CCDC102B: variants seen among roughly 807,000 people sequenced by gnomAD.
The protein encoded by CCDC102B is coiled-coil domain-containing protein 102B.
Under a neutral mutation model 57.4 loss-of-function variants are expected in CCDC102B, and 75 were observed. The ratio of observed to expected loss-of-function variants is 1.31; its 90% CI spans 1.08 to 1.58. The LOEUF is 1.58. Among genes scored for constraint, CCDC102B ranks in the 40% most tolerant of loss-of-function variants. CCDC102B has a pLI of 0.00. For synonymous variants in CCDC102B, 206 were observed against 201.9 expected (o/e 1.02, Z -0.17); for missense variants, 636 against 582.6 (o/e 1.09, Z -0.94).
intron 2 of CCDC102B, among the ~76,000 whole-genome samples, chr18:68,730,405 C>T (rs1933492780): frequency 6.6e-6 from 1 of 152,108 alleles, no homozygotes; most frequent in Admixed American, 6.6e-5. Flanking sequence ...TTAGGTTATT[C>T]ATTTTTATAG....
At chr18:68,941,573 A>G (rs2049381311) in intron 6 of CCDC102B, among the ~76,000 whole-genome samples, 1 of 152,134 alleles carries the variant, frequency 6.6e-6, no homozygotes, top group African/African-American at 2.4e-5. Context: ...TTTGTTGCTT[A>G]AATGTAAATG....
intron 4 of CCDC102B, among the ~76,000 whole-genome samples, chr18:68,849,076 T>A (rs1427637326): frequency 4.6e-5 from 7 of 152,106 alleles, no homozygotes; most frequent in Admixed American, 4.6e-4. Context: ...ATAAATACTT[T>A]CAGAGACACA....
rs145918970 is a variant in CCDC102B at position 68,777,161 on chromosome 18, G to C, written c.-66-46205G>C. Among the ~76,000 whole-genome samples, 900 of 152,196 alleles carry C rather than the reference G, an allele frequency of 5.9e-3. 7 individuals are homozygous for C. Among genetic ancestry groups the C allele is most frequent in the Middle Eastern group, 0.027 (8 of 294 alleles). ...AAGTAGAGCTGCAAACTCGTAACAG[G>C]TTCAGCTTGTGTTTCCATGTTTTAA... On this transcript the variant is annotated intron_variant, in intron 2 of 3. Transcript: ENST00000578970.
chr18:68,783,143 C>T (rs957122224), intron 2 of CCDC102B, among the ~76,000 whole-genome samples: 4 of 152,162 alleles, frequency 2.6e-5, no homozygotes, highest in Admixed American at 2.0e-4. Flanking sequence ...CAGTCCTGGC[C>T]TGGGAAGGCT....
chr18:68,800,962 CT>C (rs958473234), intron 1 of CCDC102B, among the ~76,000 whole-genome samples: 5 of 151,706 alleles, frequency 3.3e-5, no homozygotes, highest in African/African-American at 1.2e-4. Context: ...TTTTCTTCTT[CT>C]TTTTTTTCAA....
intron 6 of CCDC102B, among the ~76,000 whole-genome samples, chr18:69,009,924 ATTTTTTTTTTTT>A (rs770668683): frequency 8.9e-5 from 3 of 33,530 alleles, no homozygotes; most frequent in Non-Finnish European, 1.2e-4. Flanking sequence ...TTTAATAAAG[ATTTTTTTTTTTT>A]TTTTTTTTTT....
chr18:68,781,024 A>T (rs189377762), intron 2 of CCDC102B, among the ~76,000 whole-genome samples: 8 of 152,218 alleles, frequency 5.3e-5, no homozygotes, highest in Admixed American at 2.6e-4. Flanking sequence ...CATTCAGATT[A>T]GTTCATCTTG....
chr18:68,939,740 C>G (rs1410076178), intron 6 of CCDC102B, among the ~76,000 whole-genome samples: 3 of 151,826 alleles, frequency 2.0e-5, no homozygotes, highest in Non-Finnish European at 4.4e-5. Flanking sequence ...GATGTCTCCT[C>G]ATTCTGCTTT....
intron 5 of CCDC102B, among the ~76,000 whole-genome samples, chr18:68,882,644 C>T (rs2039734132): frequency 1.3e-5 from 2 of 152,206 alleles, no homozygotes; most frequent in Admixed American, 6.5e-5. Context: ...TTTTTTCTCA[C>T]TACCTAGTAT....
chr18:68,809,061 G>A (rs1239100673), intron 1 of CCDC102B, among the ~76,000 whole-genome samples: 1 of 152,120 alleles, frequency 6.6e-6, no homozygotes, highest in Non-Finnish European at 1.5e-5. Context: ...GAAGTTTCAT[G>A]TTCACTAATA....
intron 6 of CCDC102B, among the ~76,000 whole-genome samples, chr18:69,006,912 A>C: frequency 6.6e-6 from 1 of 152,192 alleles, no homozygotes; most frequent in East Asian, 1.9e-4. Flanking sequence ...ATGAAAGTGT[A>C]GGATTAATTT....
intron 2 of CCDC102B, among the ~76,000 whole-genome samples, chr18:68,751,178 G>C (rs564649898): frequency 8.1e-4 from 124 of 152,220 alleles, no homozygotes; most frequent in African/African-American, 2.9e-3. Flanking sequence ...GTTCTATAAA[G>C]CCACTGTGAA....
At chr18:68,926,806 A>G (rs986292790) in intron 6 of CCDC102B, among the ~76,000 whole-genome samples, 1 of 151,918 alleles carries the variant, frequency 6.6e-6, no homozygotes, top group Admixed American at 6.6e-5. Context: ...CATTTGATTT[A>G]TGTTCATCAT....
At chr18:68,911,564 A>G (rs1038357835) in intron 6 of CCDC102B, among the ~76,000 whole-genome samples, 2 of 151,016 alleles carry the variant, frequency 1.3e-5, no homozygotes, top group South Asian at 4.2e-4. Flanking sequence ...CATCCTGGCT[A>G]ACACGGTGAA....
At chr18:68,957,498 G>A (rs185352009) in intron 6 of CCDC102B, among the ~76,000 whole-genome samples, 22 of 147,024 alleles carry the variant, frequency 1.5e-4, no homozygotes, top group Admixed American at 1.5e-3. Flanking sequence ...CAGTACTGTA[G>A]TATTTTAGTT....
chr18:69,004,656 A>AT (rs942796659), intron 6 of CCDC102B, among the ~76,000 whole-genome samples: 3 of 152,038 alleles, frequency 2.0e-5, no homozygotes, highest in African/African-American at 7.2e-5. Flanking sequence ...TCATCTGAGT[A>AT]TTTTTTTAAT....
Position 68,860,475 on chromosome 18 carries a change from CA to C in CCDC102B, c.936+14067del, listed in dbSNP as rs1169097862. Among the ~76,000 whole-genome samples, 410 of 53,038 alleles carry C rather than the reference CA, an allele frequency of 7.7e-3. 20 individuals are homozygous for C. Among genetic ancestry groups the C allele is most frequent in the Non-Finnish European group, 0.013 (256 of 20,420 alleles). The allele number at this position is 53,038 out of a possible 152,430, so 34.8% of individuals were successfully genotyped here. A position where few individuals can be genotyped will look rare whatever the true frequency, so the allele number is the denominator to read the frequency against. ...AATTAAAAAAAAACAAAAACAAAAACAAAAAAAAAAAAAGACACTACAGGAT... is the reference window on the plus strand; with the variant it reads ...AATTAAAAAAAAACAAAAACAAAAACAAAAAAAAAAAAGACACTACAGGAT... On this transcript the variant is annotated intron_variant, in intron 4 of 7. Transcript: ENST00000360242.
At chr18:69,002,233 C>T (rs902669292) in intron 6 of CCDC102B, among the ~76,000 whole-genome samples, 1 of 152,094 alleles carries the variant, frequency 6.6e-6, no homozygotes, top group African/African-American at 2.4e-5. Context: ...ATTTCTTGCC[C>T]GCCCGACATG....
intron 2 of CCDC102B, among the ~76,000 whole-genome samples, chr18:68,724,309 T>A (rs1376329147): frequency 2.6e-5 from 4 of 152,342 alleles, no homozygotes; most frequent in Admixed American, 2.6e-4. Flanking sequence ...ATTTTCCCCT[T>A]TGTTTTGGTG....
Sources: gnomAD v4.1 joint callset for allele counts (sites outside exome capture counted in the v4.1 genomes callset) on GRCh38, gnomAD v4.1.1 for gene constraint, MANE v1.5 for transcripts, NCBI Gene and HGNC (gene_info 2026-07-23, HGNC 2026-07-21) for gene names.